The following CHPF2 variants were observed in gnomAD, a reference collection of about 807,000 sequenced individuals.
CHPF2 encodes the protein chondroitin polymerizing factor 2.
In CHPF2, 58 loss-of-function variants were observed where a neutral mutation model predicts 63.0. The ratio of observed to expected loss-of-function variants is 0.92; its 90% CI spans 0.75 to 1.15. The LOEUF (loss-of-function observed/expected upper bound fraction) is 1.15. Ranked by LOEUF, CHPF2 falls within the 50% of genes most tolerant of loss-of-function variation. The probability of loss-of-function intolerance (pLI) is 0.00; values close to 1 mark genes in which losing one functional copy is unlikely to be tolerated. For synonymous variants in CHPF2, 442 were observed against 438.0 expected (o/e 1.01, Z -0.11); for missense variants, 1,045 against 1,035.4 (o/e 1.01, Z -0.13).
In CHPF2 at chr7:151,233,501, G is replaced by C. The variant is rs1055864328; in HGVS notation, c.-511G>C. On this transcript the variant is annotated 5_prime_UTR_variant, in exon 1 of 4. Coordinates refer to ENST00000035307, the MANE Select transcript of CHPF2 (RefSeq NM_019015.3). ...CCCTTCAGTAGCCCGCCTGAGGACC[G>C]ATGCCAGAGGCAGGCATTCTTCCGG... 1.4e-5 allele frequency: 14 copies of C among 985,804 alleles called. No individual in the cohort carries two copies. The African/African-American group carries it at 1.9e-4, about 14-fold the overall frequency. The allele number at this position is 985,804 out of a possible 1,614,324, so 61.1% of individuals were successfully genotyped here.
chr7:151,237,541 C>T lies in CHPF2; in HGVS notation c.1179C>T (p.Cys393=), dbSNP rs1002177323. The part of the protein sequence containing the change: ...TFSCADGAPK[C]PLQGASRADV... ...CCTGTGCAGATGGGGCTCCCAAGTG[C>T]CCACTACAGGGGGCTAGCAGGGCGG... Residue 393 remains cysteine, a synonymous_variant, in exon 4 of 4, where the codon TGC becomes TGT. Coordinates refer to ENST00000035307, the MANE Select transcript of CHPF2 (RefSeq NM_019015.3). 6.2e-7 allele frequency: 1 copy of T among 1,613,960 alleles called. No homozygotes were observed. The highest frequency in any genetic ancestry group is 1.1e-5 in the South Asian group (1 of 91,086).
At position 151,235,348 on chromosome 7, in the gene CHPF2, G is replaced by C; in HGVS notation, c.564G>C (p.Gln188His). Residue 188 changes from glutamine to histidine, a missense_variant, in exon 2 of 4, where the codon CAG becomes CAC. By Grantham distance (24) the Gln-to-His change is conservative (BLOSUM62 0). Transcript: ENST00000035307. ...TCATGCAGGATGACACATATGTGCA[G>C]GCCCCCCGCCTGGCAGCCCTTGCTG... ...FFIMQDDTYV[Q>H]APRLAALAGH... The C allele has an allele frequency of 6.2e-7, 1 of 1,613,894 alleles. No homozygotes were observed.
chr7:151,233,180 CAG>C lies in CHPF2; in HGVS notation c.-829_-828del. ...AACCAGGCACCGAATCGCTCGCACA[CAG>C]AGTTCCAGTCCCCGCCTGCTGTCTC... On this transcript the variant is annotated 5_prime_UTR_variant, in exon 1 of 4. Transcript: ENST00000035307. The C allele has an allele frequency of 9.6e-7, 1 of 1,041,730 alleles. No individual in the cohort carries two copies. The highest frequency in any genetic ancestry group is 1.2e-6 in the Non-Finnish European group (1 of 866,670). The allele number at this position is 1,041,730 out of a possible 1,614,324, so 64.5% of individuals were successfully genotyped here.
Position 151,235,119 on chromosome 7 carries a change from C to T in CHPF2, c.335C>T (p.Thr112Ile), listed in dbSNP as rs1231191188. 4 of 1,609,508 alleles carry T rather than the reference C, an allele frequency of 2.5e-6. No individual in the cohort carries two copies. The African/African-American group carries it at 4.0e-5, about 16-fold the overall frequency. ...GTGGCTGTCCTGACCTCCCGAGCTA[C>T]ACTGTCCACTTTGGCCGTGGCTGTG... ...LLVAVLTSRA[T>I]LSTLAVAVNR... The change falls in exon 2 of 4, where the codon ACA becomes ATA. Residue 112 changes from threonine to isoleucine, a missense_variant. Physicochemically the swap from Thr to Ile is moderately conservative, Grantham distance 89. Coordinates refer to ENST00000035307, the MANE Select transcript of CHPF2 (RefSeq NM_019015.3).
Position 151,233,703 on chromosome 7 carries a change from C to T in CHPF2, c.-309C>T. 1 of 1,109,816 alleles carries T rather than the reference C, an allele frequency of 9.0e-7. No homozygotes were observed. The highest frequency in any genetic ancestry group is 1.1e-6 in the Non-Finnish European group (1 of 910,980). The allele number at this position is 1,109,816 out of a possible 1,614,324, so 68.7% of individuals were successfully genotyped here. On this transcript the variant is annotated 5_prime_UTR_variant, in exon 1 of 4. Coordinates refer to ENST00000035307, the MANE Select transcript of CHPF2 (RefSeq NM_019015.3). ...TGGCAGTATTGAGTTTTACTTCCTC[C>T]TCTTTTTAGTGGAAGACAGACCATA...
Position 151,237,863 on chromosome 7 carries a change from G to A in CHPF2, c.1501G>A (p.Ala501Thr). 1 of 1,612,730 alleles carries A rather than the reference G, an allele frequency of 6.2e-7. No homozygotes were observed. The highest frequency in any genetic ancestry group is 8.5e-7 in the Non-Finnish European group (1 of 1,180,028). Reference sequence around the variant, plus strand: ...GCTGCCACTCCTGGTGGCTGAAGCTGCTGCAGCCCCGGCTTTCCTCGAGGC... The same window carrying A: ...GCTGCCACTCCTGGTGGCTGAAGCTACTGCAGCCCCGGCTTTCCTCGAGGC... ...LVLPLLVAEA[A>T]AAPAFLEAFA... is the part of the protein sequence containing the mutation. Residue 501 changes from alanine to threonine, a missense_variant, in exon 4 of 4, where the codon GCT (alanine) becomes ACT (threonine). Transcript: ENST00000035307.
rs1271668219 is a variant in CHPF2, at chr7:151,238,571, C to A, written c.2209C>A (p.Leu737Ile). Residue 737 changes from leucine (L) to isoleucine (I), a missense_variant, in exon 4 of 4, where the codon CTC becomes ATC. By Grantham distance (5) the Leu-to-Ile change is conservative. Coordinates refer to ENST00000035307, the MANE Select transcript of CHPF2 (RefSeq NM_019015.3). The part of the protein sequence containing the change: ...KFSLRDCSPR[L>I]SEELYHRCRL... ...CTCCCTGCGAGACTGCAGCCCACGG[C>A]TCAGTGAAGAACTCTACCACCGCTG... 1.2e-6 allele frequency: 2 copies of A among 1,612,972 alleles called. No individual in the cohort carries two copies. The highest frequency in any genetic ancestry group is 2.2e-5 in the East Asian group (1 of 44,860).
In CHPF2 at chr7:151,233,268, C is replaced by T; in HGVS notation, c.-744C>T. Reference sequence around the variant, plus strand: ...AGATGGCTCCATCGGCCATGGCGCTCCTGAGAGGCTGTCAGTGCTGAGTCA... The same window carrying T: ...AGATGGCTCCATCGGCCATGGCGCTTCTGAGAGGCTGTCAGTGCTGAGTCA... On this transcript the variant is annotated 5_prime_UTR_variant, in exon 1 of 4. Transcript: ENST00000035307. 1 of 991,756 alleles carries T rather than the reference C, an allele frequency of 1.0e-6. No individual in the cohort carries two copies. The highest frequency in any genetic ancestry group is 1.7e-5 in the African/African-American group (1 of 57,614). The allele number at this position is 991,756 out of a possible 1,614,324, so 61.4% of individuals were successfully genotyped here. A position where few individuals can be genotyped will look rare whatever the true frequency, so the allele number is the denominator to read the frequency against.
rs1802549144 is a variant in CHPF2, at chr7:151,233,936, A to G, written c.-76A>G. 3.5e-6 allele frequency: 5 copies of G among 1,432,140 alleles called. 1 individual carries two copies. In the South Asian group the frequency reaches 6.4e-5, roughly 18 times the overall value. The allele number at this position is 1,432,140 out of a possible 1,614,324, so 88.7% of individuals were successfully genotyped here. ...CTCTGGTTAAAACTGAAAGCCTACTACTGGCCTGGTGCCCATCAATCCATT... is the reference window on the plus strand; with the variant it reads ...CTCTGGTTAAAACTGAAAGCCTACTGCTGGCCTGGTGCCCATCAATCCATT... On this transcript the variant is annotated 5_prime_UTR_variant, in exon 1 of 4. Coordinates refer to ENST00000035307, the MANE Select transcript of CHPF2 (RefSeq NM_019015.3).
chr7:151,237,913 A>G lies in CHPF2; in HGVS notation c.1551A>G (p.Pro517=). ...CCTTTGCAGCCAATGTCCTGGAGCCACGAGAACATGCATTGCTCACCCTGT... is the reference window on the plus strand; with the variant it reads ...CCTTTGCAGCCAATGTCCTGGAGCCGCGAGAACATGCATTGCTCACCCTGT... ...LEAFAANVLE[P]REHALLTLLL... is the part of the protein sequence containing the mutation. Residue 517 remains proline (P), a synonymous_variant, in exon 4 of 4, where the codon CCA becomes CCG. Transcript: ENST00000035307. The G allele has an allele frequency of 1.2e-6, 2 of 1,612,834 alleles. No individual in the cohort carries two copies. The highest frequency in any genetic ancestry group is 1.7e-6 in the Non-Finnish European group (2 of 1,179,900).
Position 151,235,434 on chromosome 7 carries a change from G to A in CHPF2, c.650G>A (p.Gly217Asp). 6.2e-7 allele frequency: 1 copy of A among 1,612,358 alleles called. No homozygotes were observed. The highest frequency in any genetic ancestry group is 8.5e-7 in the Non-Finnish European group (1 of 1,180,024). Residue 217 changes from glycine (G) to aspartate (D), a missense_variant, in exon 2 of 4, where the codon GGC (glycine) becomes GAC (aspartate). By Grantham distance (94) the Gly-to-Asp change is moderately conservative. Transcript: ENST00000035307. ...LGRAEEFIGA[G>D]EQARYCHGGF... ...CGGGCAGAGGAGTTCATTGGCGCAG[G>A]CGAGCAGGCCCGGTACTGTCATGGG...
chr7:151,232,815 G>A lies in CHPF2; in HGVS notation c.-1197G>A, dbSNP rs1488054760. 3 of 1,492,804 alleles carry A rather than the reference G, an allele frequency of 2.0e-6. No homozygotes were observed. Among genetic ancestry groups the A allele is most frequent in the Non-Finnish European group, 2.7e-6 (3 of 1,128,086 alleles). 92.5% of individuals were successfully genotyped at this position (1,492,804 alleles called of 1,614,324 possible). On this transcript the variant is annotated 5_prime_UTR_variant, in exon 1 of 4. Transcript: ENST00000035307. ...TCCCGCCGACTGGCCTGAGAACGAGGTCTGTGCCCCAGTCTCCCAGCCGCG... is the reference window on the plus strand; with the variant it reads ...TCCCGCCGACTGGCCTGAGAACGAGATCTGTGCCCCAGTCTCCCAGCCGCG...
rs1584852356 is a variant in CHPF2 at position 151,233,323 on chromosome 7, T to C, written c.-689T>C. The C allele has an allele frequency of 1.0e-6, 1 of 986,572 alleles. No individual in the cohort carries two copies. Among genetic ancestry groups the C allele is most frequent in the African/African-American group, 1.7e-5 (1 of 57,268 alleles). 61.1% of individuals were successfully genotyped at this position (986,572 alleles called of 1,614,324 possible). A position where few individuals can be genotyped will look rare whatever the true frequency, so the allele number is the denominator to read the frequency against. Reference sequence around the variant, plus strand: ...TCTACCTCATTCGGGTGGGCAGAACTTATGTGTGCCATGCGAGTGGCTCCA... The same window carrying C: ...TCTACCTCATTCGGGTGGGCAGAACCTATGTGTGCCATGCGAGTGGCTCCA... On this transcript the variant is annotated 5_prime_UTR_variant, in exon 1 of 4. Coordinates refer to ENST00000035307, the MANE Select transcript of CHPF2 (RefSeq NM_019015.3).
At chr7:151,236,829 G>T in intron 3 of CHPF2, 1 of 603,876 alleles carries the variant, frequency 1.7e-6, no homozygotes, top group Non-Finnish European at 3.1e-6. Context: ...TGCAGCTAAA[G>T]GGGTTTGCAA....
At position 151,238,771 on chromosome 7, in the gene CHPF2, G is replaced by A; in HGVS notation, c.*90G>A. 1 of 1,581,320 alleles carries A rather than the reference G, an allele frequency of 6.3e-7. No individual in the cohort carries two copies. Among genetic ancestry groups the A allele is most frequent in the Non-Finnish European group, 8.6e-7 (1 of 1,167,574 alleles). The stretch of plus-strand genomic sequence containing the variant: ...CAAGATGGTGGACAGATAGAGAATT[G>A]TTGCTGTATTTTTTAAATATGAAAA... On this transcript the variant is annotated 3_prime_UTR_variant, in exon 4 of 4. Coordinates refer to ENST00000035307, the MANE Select transcript of CHPF2 (RefSeq NM_019015.3).
rs952597626 is a variant in CHPF2, at chr7:151,236,273, G to GC, written c.829-134dup. On this transcript the variant is annotated intron_variant, in intron 2 of 3. Coordinates refer to ENST00000035307, the MANE Select transcript of CHPF2 (RefSeq NM_019015.3). ...TGAAAGAACTGGGGTTAAGCGAGGT[G>GC]CTGGAAAGGGTGCCTCTTCTGTCCT... The GC allele has an allele frequency of 7.5e-5, 53 of 705,548 alleles. No homozygotes were observed. The African/African-American group carries it at 9.1e-4, about 12-fold the overall frequency. 43.7% of individuals were successfully genotyped at this position (705,548 alleles called of 1,614,324 possible). A position where few individuals can be genotyped will look rare whatever the true frequency, so the allele number is the denominator to read the frequency against.
At position 151,234,366 on chromosome 7, in the gene CHPF2, G is replaced by T. The variant is rs545032383; in HGVS notation, c.263+92G>T. The T allele has an allele frequency of 9.1e-6, 9 of 991,118 alleles. No homozygotes were observed. In the African/African-American group the frequency reaches 1.5e-4, roughly 17 times the overall value. 61.4% of individuals were successfully genotyped at this position (991,118 alleles called of 1,614,324 possible). A position where few individuals can be genotyped will look rare whatever the true frequency, so the allele number is the denominator to read the frequency against. ...CTCTGCCTTTCCATTGGCAATCGGC[G>T]TCGGGCGACTTGGAGCAATTCTGGC... On this transcript the variant is annotated intron_variant, in intron 1 of 3. Transcript: ENST00000035307.
chr7:151,232,488 A>AAGCTGCGGACAGGGGCTGTGAGGTGGC lies in CHPF2; in HGVS notation c.-1520_-1494dup. On this transcript the variant is annotated 5_prime_UTR_variant, in exon 1 of 4. Coordinates refer to ENST00000035307, the MANE Select transcript of CHPF2 (RefSeq NM_019015.3). ...GGTGACTGACAGGCAGCGGAAGAGG[A>AAGCTGCGGACAGGGGCTGTGAGGTGGC]AGCTGCGGACAGGGGCTGTGAGGTG... 1 of 471,784 alleles carries AAGCTGCGGACAGGGGCTGTGAGGTGGC rather than the reference A, an allele frequency of 2.1e-6. No individual in the cohort carries two copies. 29.2% of individuals were successfully genotyped at this position (471,784 alleles called of 1,614,324 possible).
chr7:151,233,738 T>C lies in CHPF2; in HGVS notation c.-274T>C, dbSNP rs1802543202. On this transcript the variant is annotated 5_prime_UTR_variant, in exon 1 of 4. Coordinates refer to ENST00000035307, the MANE Select transcript of CHPF2 (RefSeq NM_019015.3). ...TGGAAGACAGACCATAATCCCAGTG[T>C]GAGTGAAATTGATTGTTTCATTTAT... 1 of 1,180,502 alleles carries C rather than the reference T, an allele frequency of 8.5e-7. No homozygotes were observed. The highest frequency in any genetic ancestry group is 4.5e-5 in the Admixed American group (1 of 22,188). 73.1% of individuals were successfully genotyped at this position (1,180,502 alleles called of 1,614,324 possible). A position where few individuals can be genotyped will look rare whatever the true frequency, so the allele number is the denominator to read the frequency against.
Sources: gnomAD v4.1 joint callset for allele counts on GRCh38, gnomAD v4.1.1 for gene constraint, MANE v1.5 for transcripts, NCBI Gene and HGNC (gene_info 2026-07-23, HGNC 2026-07-21) for gene names.